SYNPR: variants seen among roughly 807,000 people sequenced by gnomAD.
The protein encoded by SYNPR is synaptoporin.
In SYNPR, 23 loss-of-function variants were observed where a neutral mutation model predicts 32.9. That is an observed-to-expected ratio of 0.70 (90% CI 0.50 to 0.99). The LOEUF (loss-of-function observed/expected upper bound fraction) is 0.99. Ranked by LOEUF, SYNPR falls within the 50% of genes least tolerant of loss-of-function variation. The pLI, the probability that SYNPR is intolerant of heterozygous loss-of-function variation, is 0.00. For missense variants in SYNPR, 318 were observed against 349.3 expected (o/e 0.91, Z 0.71); for synonymous variants, 146 against 135.9 (o/e 1.07, Z -0.52).
intron 4 of SYNPR, among the ~76,000 whole-genome samples, chr3:63,558,622 G>A (rs753179084): frequency 6.6e-5 from 10 of 152,076 alleles, no homozygotes; most frequent in Non-Finnish European, 2.9e-5. Flanking sequence ...ACAGGCATAA[G>A]CCACTCTACC....
At chr3:63,380,322 T>C (rs2087949525) in intron 2 of SYNPR, among the ~76,000 whole-genome samples, 1 of 152,196 alleles carries the variant, frequency 6.6e-6, no homozygotes, top group Non-Finnish European at 1.5e-5. Flanking sequence ...AAAGTGTTCC[T>C]ATTTCTCCAC....
At chr3:63,429,404 A>C (rs1699945603) in intron 2 of SYNPR, among the ~76,000 whole-genome samples, 1 of 152,156 alleles carries the variant, frequency 6.6e-6, no homozygotes, top group South Asian at 2.1e-4. Context: ...TGAGATACCC[A>C]ATTATTCTTA....
At chr3:63,538,785 G>T (rs1702253126) in intron 3 of SYNPR, among the ~76,000 whole-genome samples, 2 of 152,110 alleles carry the variant, frequency 1.3e-5, no homozygotes, top group South Asian at 2.1e-4. Context: ...AGATGGTGGT[G>T]GTTTTGAACC....
chr3:63,354,904 A>G (rs1438955165), intron 2 of SYNPR, among the ~76,000 whole-genome samples: 1 of 152,224 alleles, frequency 6.6e-6, no homozygotes, highest in Non-Finnish European at 1.5e-5. Flanking sequence ...TGATCTTTGT[A>G]GCAAAGCTGG....
At chr3:63,278,841 C>A in intron 2 of SYNPR, 99 bp downstream of exon 2, 2 of 1,311,466 alleles carry the variant, frequency 1.5e-6, no homozygotes, top group Non-Finnish European at 2.1e-6. Context: ...TGCTCCAAGC[C>A]GGAGATTCAA....
At chr3:63,270,775 A>G (rs533192762) in intron 3 of SYNPR, among the ~76,000 whole-genome samples, 10 of 152,318 alleles carry the variant, frequency 6.6e-5, no homozygotes, top group African/African-American at 2.4e-4. Flanking sequence ...CCTGGCATGT[A>G]GTAAATTCTG....
At chr3:63,406,156 A>ATG (rs1371778292) in intron 2 of SYNPR, among the ~76,000 whole-genome samples, 1 of 151,630 alleles carries the variant, frequency 6.6e-6, no homozygotes, top group Admixed American at 6.6e-5. Context: ...GAACAACGAG[A>ATG]TGAGGATAAC....
intron 2 of SYNPR, among the ~76,000 whole-genome samples, chr3:63,315,056 T>A (rs1246137237): frequency 6.6e-6 from 1 of 151,882 alleles, no homozygotes; most frequent in Non-Finnish European, 1.5e-5. Flanking sequence ...AGTATTTGGG[T>A]TTATTTCCGG....
chr3:63,414,365 A>G (rs1169202775), intron 2 of SYNPR, among the ~76,000 whole-genome samples: 2 of 152,176 alleles, frequency 1.3e-5, no homozygotes, highest in Non-Finnish European at 2.9e-5. Flanking sequence ...GAGTTTTATT[A>G]GGTTGCAAAT....
the SYNPR span, among the ~76,000 whole-genome samples, chr3:63,205,926 A>G: frequency 2.0e-3 from 299 of 152,338 alleles, no homozygotes; most frequent in Non-Finnish European, 2.1e-3. Context: ...AATCTACTGA[A>G]GAAGTTTTTT....
chr3:63,529,473 G>A (rs549562206), intron 3 of SYNPR, among the ~76,000 whole-genome samples: 2 of 152,108 alleles, frequency 1.3e-5, no homozygotes, highest in Admixed American at 1.3e-4. Flanking sequence ...GTACTAAAAT[G>A]TTTGTTGGAA....
intron 2 of SYNPR, among the ~76,000 whole-genome samples, chr3:63,325,094 TC>T (rs2106973785): frequency 1.3e-5 from 2 of 152,226 alleles, no homozygotes; most frequent in East Asian, 3.9e-4. Context: ...ATTTATATCC[TC>T]TTCTCCCAAC....
At chr3:63,588,837 C>G (rs1465800591) in intron 4 of SYNPR, among the ~76,000 whole-genome samples, 1 of 152,062 alleles carries the variant, frequency 6.6e-6, no homozygotes, top group East Asian at 1.9e-4. Flanking sequence ...CCCCAAACCT[C>G]TTTACCCCTT....
At chr3:63,556,505 T>C (rs1702596560) in intron 3 of SYNPR, 38 bp from the exon 4 acceptor site, 1 of 1,554,300 alleles carries the variant, frequency 6.4e-7, no homozygotes, top group Non-Finnish European at 8.7e-7. Flanking sequence ...TTGTCTCCAT[T>C]GCATTTAAAG....
At chr3:63,354,009 C>A (rs991647157) in intron 2 of SYNPR, among the ~76,000 whole-genome samples, 1 of 152,134 alleles carries the variant, frequency 6.6e-6, no homozygotes, top group African/African-American at 2.4e-5. Context: ...GGGTTCATAT[C>A]CCAGCTCTGA....
At chr3:63,588,812 G>C (rs575813926) in intron 4 of SYNPR, among the ~76,000 whole-genome samples, 1 of 152,006 alleles carries the variant, frequency 6.6e-6, no homozygotes, top group African/African-American at 2.4e-5. Context: ...ACATTTAATT[G>C]TGTGAACTGA....
intron 3 of SYNPR, among the ~76,000 whole-genome samples, chr3:63,533,418 G>C (rs1268678957): frequency 6.6e-6 from 1 of 152,108 alleles, no homozygotes; most frequent in Non-Finnish European, 1.5e-5. Flanking sequence ...CAACAAAAAC[G>C]TGCATATGGA....
chr3:63,441,577 A>G (rs1700176998), intron 2 of SYNPR, among the ~76,000 whole-genome samples: 1 of 152,188 alleles, frequency 6.6e-6, no homozygotes, highest in Non-Finnish European at 1.5e-5. Context: ...GGGTGATTCT[A>G]AGGCTTTTTT....
chr3:63,531,599 G>C (rs1702113265), intron 3 of SYNPR, among the ~76,000 whole-genome samples: 1 of 152,108 alleles, frequency 6.6e-6, no homozygotes, highest in Admixed American at 6.6e-5. Flanking sequence ...TAAGTATTGA[G>C]GGTCTAGACT....
Sources: gnomAD v4.1 joint callset for allele counts (sites outside exome capture counted in the v4.1 genomes callset) on GRCh38, gnomAD v4.1.1 for gene constraint, MANE v1.5 for transcripts, NCBI Gene and HGNC (gene_info 2026-07-23, HGNC 2026-07-21) for gene names.